The following COL6A3 variants were observed in gnomAD, a reference collection of about 807,000 sequenced individuals.
The protein encoded by COL6A3 is collagen type VI alpha 3 chain, also known as collagen alpha-3(VI) chain.
Under a neutral mutation model 274.1 loss-of-function variants are expected in COL6A3, and 137 were observed. That is an observed-to-expected ratio of 0.50 (90% CI 0.44 to 0.58). The LOEUF (loss-of-function observed/expected upper bound fraction) is 0.58. Ranked by LOEUF, COL6A3 falls within the 20% of genes least tolerant of loss-of-function variation. COL6A3 has a pLI of 0.00. For synonymous variants in COL6A3, 1,650 were observed against 1,650.6 expected (o/e 1.00, Z 0.01); for missense variants, 3,950 against 4,124.9 (o/e 0.96, Z 1.16).
At chr2:237,355,284 T>C (rs2077294387) in intron 23 of COL6A3, 1 of 266,812 alleles carries the variant, frequency 3.7e-6, no homozygotes, top group South Asian at 1.1e-4. Context: ...GAAAAGGGAA[T>C]GTCAACCTGT....
In COL6A3 at chr2:237,366,880, C is replaced by G. The variant is rs755698278; in HGVS notation, c.5307G>C (p.Arg1769Ser). 6.2e-6 allele frequency: 10 copies of G among 1,614,242 alleles called. No individual in the cohort carries two copies. The highest frequency in any genetic ancestry group is 2.7e-5 in the African/African-American group (2 of 75,052). Reference sequence around the variant, plus strand: ...CTCCAACAGCAAACACTTTGACCCCCCTCTGGGTGAGGGCCAGGCTCACAT... The same window carrying G: ...CTCCAACAGCAAACACTTTGACCCCGCTCTGGGTGAGGGCCAGGCTCACAT... ...AQDVSLALTQ[R>S]GVKVFAVGVR... Residue 1769 changes from arginine to serine, a missense_variant, in exon 11 of 44, where the codon AGG (arginine) becomes AGC (serine). By Grantham distance (110) the Arg-to-Ser change is moderately radical. This residue lies in a region of COL6A3 where 632 missense variants were observed against 623.4 expected (regional missense o/e 1.01). Coordinates refer to ENST00000295550, the MANE Select transcript of COL6A3 (RefSeq NM_004369.4).
chr2:237,398,988 A>C (rs952324580), intron 1 of COL6A3, among the ~76,000 whole-genome samples: 2 of 152,142 alleles, frequency 1.3e-5, no homozygotes, highest in African/African-American at 4.8e-5. Flanking sequence ...TTATCCTTAG[A>C]GGTAGATGCT....
intron 38 of COL6A3, among the ~76,000 whole-genome samples, chr2:237,339,874 C>T (rs1465857675): frequency 1.3e-5 from 2 of 152,118 alleles, no homozygotes; most frequent in Non-Finnish European, 2.9e-5. Flanking sequence ...TAACCATGAG[C>T]AGGCCTTGGG....
chr2:237,335,892 C>T (rs1700516099), intron 40 of COL6A3, among the ~76,000 whole-genome samples: 1 of 152,184 alleles, frequency 6.6e-6, no homozygotes, highest in South Asian at 2.1e-4. Context: ...AACTGTGCCC[C>T]CACTGACATT....
chr2:237,398,596 T>A (rs2078510918), intron 1 of COL6A3, among the ~76,000 whole-genome samples: 1 of 152,218 alleles, frequency 6.6e-6, no homozygotes, highest in African/African-American at 2.4e-5. Context: ...AACTTTTTCT[T>A]AGACCACAGA....
intron 3 of COL6A3, among the ~76,000 whole-genome samples, chr2:237,392,395 C>A (rs1574749930): frequency 6.6e-6 from 1 of 152,204 alleles, no homozygotes; most frequent in African/African-American, 2.4e-5. Context: ...TGCAATCTTG[C>A]AATTCTTCTG....
In COL6A3 at chr2:237,374,902, G is replaced by A. The variant is rs773149640; in HGVS notation, c.3189C>T (p.Asp1063=). The change falls in exon 8 of 44, where the codon GAC becomes GAT. Residue 1063 remains aspartate, a synonymous_variant. Coordinates refer to ENST00000295550, the MANE Select transcript of COL6A3 (RefSeq NM_004369.4). This position sits in a 1 kb window ranked among gnomAD's most constrained non-coding sequence, Gnocchi z 4.8. The part of the protein sequence containing the change: ...RVVESLDVGQ[D]RVRVAVVQYS... ...ACTGCACCACGGCCACGCGGACCCG[G>A]TCCTGGCCCACATCCAGGCTTTCCA... The A allele has an allele frequency of 1.7e-5, 28 of 1,613,780 alleles. No homozygotes were observed. The highest frequency in any genetic ancestry group is 2.4e-5 in the Non-Finnish European group (28 of 1,180,006).
chr2:237,351,232 A>C, intron 26 of COL6A3, 40 bp from the exon 27 acceptor site: 1 of 1,600,802 alleles, frequency 6.2e-7, no homozygotes, highest in Non-Finnish European at 8.6e-7. Context: ...GAAGTGGCCA[A>C]CCGTCCAGGC....
At position 237,341,939 on chromosome 2, in the gene COL6A3, C is replaced by T. The variant is rs112386121; in HGVS notation, c.7765+126G>A. 1,390 of 814,198 alleles carry T rather than the reference C, an allele frequency of 1.7e-3. 15 individuals are homozygous for T. In the African/African-American group the frequency reaches 0.021, roughly 12 times the overall value. The allele number at this position is 814,198 out of a possible 1,614,324, so 50.4% of individuals were successfully genotyped here. ...GCAGTAGTATTTACTCTGGTAAATA[C>T]GAGGCTTTGTGAATCAATTGAACTC... On this transcript the variant is annotated intron_variant, in intron 37 of 43. Coordinates refer to ENST00000295550, the MANE Select transcript of COL6A3 (RefSeq NM_004369.4).
chr2:237,324,540 C>T lies in COL6A3; in HGVS notation c.*234G>A, dbSNP rs1699828692. The T allele has an allele frequency of 1.7e-5, 9 of 535,390 alleles. No individual in the cohort carries two copies. Among genetic ancestry groups the T allele is most frequent in the Non-Finnish European group, 2.7e-5 (8 of 295,560 alleles). The allele number at this position is 535,390 out of a possible 1,614,324, so 33.2% of individuals were successfully genotyped here. A position where few individuals can be genotyped will look rare whatever the true frequency, so the allele number is the denominator to read the frequency against. On this transcript the variant is annotated 3_prime_UTR_variant, in exon 44 of 44. Coordinates refer to ENST00000295550, the MANE Select transcript of COL6A3 (RefSeq NM_004369.4). Reference sequence around the variant, plus strand: ...ACACCAGCAGTGGCTAACTGTTACACAACATTCAAAGTATTCGAGAGAACT... The same window carrying T: ...ACACCAGCAGTGGCTAACTGTTACATAACATTCAAAGTATTCGAGAGAACT...
At chr2:237,411,570 T>C (rs1376201340) in intron 1 of COL6A3, among the ~76,000 whole-genome samples, 1 of 152,174 alleles carries the variant, frequency 6.6e-6, no homozygotes, top group Non-Finnish European at 1.5e-5. Context: ...AGCAGCCTCA[T>C]TGGAACCATA....
Position 237,336,469 on chromosome 2 carries a change from C to T in COL6A3, c.8631G>A (p.Val2877=). The change falls in exon 40 of 44, where the codon GTG becomes GTA. Residue 2877 remains valine (V), a synonymous_variant. Coordinates refer to ENST00000295550, the MANE Select transcript of COL6A3 (RefSeq NM_004369.4). ...TGGTGGTCACCGGCTTCGTCGTAGTCACCGGCTTCGTTGTCGTCACTGGGT... is the reference window on the plus strand; with the variant it reads ...TGGTGGTCACCGGCTTCGTCGTAGTTACCGGCTTCGTTGTCGTCACTGGGT... ...TSNPVTTTKP[V]TTTKPVTTTT... is the part of the protein sequence containing the mutation. The T allele has an allele frequency of 6.2e-7, 1 of 1,614,214 alleles. No homozygotes were observed. Among genetic ancestry groups the T allele is most frequent in the South Asian group, 1.1e-5 (1 of 91,076 alleles).
Position 237,376,796 on chromosome 2 carries a change from CTGA to C in COL6A3, c.3043_3045del (p.Ser1015del), listed in dbSNP as rs1439569679. 3.1e-6 allele frequency: 5 copies of C among 1,614,052 alleles called. No individual in the cohort carries two copies. The East Asian group carries it at 1.1e-4, about 36-fold the overall frequency. ...CCTGGTGCTGGTGCTCCGTTGTGCA[CTGA>C]TTTTAAGAGATTCACTATCTGTGGA... is the stretch of plus-strand genomic sequence containing the variant. On this transcript the variant is annotated inframe_deletion, in exon 7 of 44. Transcript: ENST00000295550.
In COL6A3 at chr2:237,353,404, C is replaced by G; in HGVS notation, c.6628-1G>C. The G allele has an allele frequency of 6.2e-7, 1 of 1,613,964 alleles. No homozygotes were observed. The highest frequency in any genetic ancestry group is 8.5e-7 in the Non-Finnish European group (1 of 1,179,932). ...GCTGGCCAGGACCGCCCTTGTTGCC[C>G]TTTGAAATAAGAGAAGATGCAGGGA... is the stretch of plus-strand genomic sequence containing the variant. On this transcript the variant is annotated splice_acceptor_variant, in intron 24 of 43. Coordinates refer to ENST00000295550, the MANE Select transcript of COL6A3 (RefSeq NM_004369.4). LOFTEE classifies it high-confidence loss of function.
chr2:237,396,457 C>T (rs932491948), intron 2 of COL6A3, among the ~76,000 whole-genome samples: 1 of 152,158 alleles, frequency 6.6e-6, no homozygotes, highest in Admixed American at 6.5e-5. Context: ...ACAAACTTTC[C>T]GTTCACATCC....
intron 4 of COL6A3, among the ~76,000 whole-genome samples, chr2:237,386,108 AT>A (rs781025274): frequency 2.0e-5 from 3 of 152,210 alleles, no homozygotes; most frequent in Non-Finnish European, 4.4e-5. Context: ...TGTAATTTTT[AT>A]TACAACAAAA....
Position 237,369,041 on chromosome 2 carries a change from T to C in COL6A3, c.4422A>G (p.Arg1474=). The stretch of plus-strand genomic sequence containing the variant: ...CATTGCTGAACTGCACGACCCCAAC[T>C]CTCACTTTACTGGGGCCGATGTTGA... ...RRLNIGPSKV[R]VGVVQFSNDV... is the part of the protein sequence containing the mutation. Residue 1474 remains arginine, a synonymous_variant, in exon 10 of 44, where the codon AGA becomes AGG. Coordinates refer to ENST00000295550, the MANE Select transcript of COL6A3 (RefSeq NM_004369.4). The C allele has an allele frequency of 1.2e-6, 2 of 1,614,192 alleles. No homozygotes were observed. The highest frequency in any genetic ancestry group is 1.7e-6 in the Non-Finnish European group (2 of 1,180,038).
rs1358346718 is a variant in COL6A3, at chr2:237,342,138, A to G, written c.7692T>C (p.His2564=). The part of the protein sequence containing the change: ...ALQINNTAVG[H]ALVLPAGRDL... ...CTCTCCCTGCAGGCAGGACAAGCGC[A>G]TGCCCCACTGCTGTGTTATTGATCT... is the stretch of plus-strand genomic sequence containing the variant. The change falls in exon 37 of 44, where the codon CAT becomes CAC. Residue 2564 remains histidine (H), a synonymous_variant. Coordinates refer to ENST00000295550, the MANE Select transcript of COL6A3 (RefSeq NM_004369.4). 2.5e-6 allele frequency: 4 copies of G among 1,614,200 alleles called. No homozygotes were observed. Among genetic ancestry groups the G allele is most frequent in the Non-Finnish European group, 3.4e-6 (4 of 1,180,018 alleles).
At position 237,365,714 on chromosome 2, in the gene COL6A3, G is replaced by A. The variant is rs778288464; in HGVS notation, c.5822C>T (p.Ser1941Leu). The A allele has an allele frequency of 1.2e-5, 20 of 1,614,046 alleles. No individual in the cohort carries two copies. Among genetic ancestry groups the A allele is most frequent in the African/African-American group, 9.3e-5 (7 of 74,926 alleles). ...CCCACAGACCTTCACGCTGTCCGGC[G>A]AGGACTGTCTGAACTTGTTCAGGTA... ...KVYLNKFRQS[S>L]PDSVKVVIHF... The change falls in exon 12 of 44, where the codon TCG becomes TTG. Residue 1941 changes from serine (S) to leucine (L), a missense_variant. Ser to Leu is a moderately radical substitution (Grantham distance 145, BLOSUM62 -2). This residue lies in a region of COL6A3 where 632 missense variants were observed against 623.4 expected (regional missense o/e 1.01). Transcript: ENST00000295550.
Sources: allele counts gnomAD v4.1 joint callset (sites outside exome capture counted in the v4.1 genomes callset), GRCh38; gene constraint gnomAD v4.1.1; regional missense constraint gnomAD v4.1.1; non-coding constraint Gnocchi (gnomAD v3.1); transcripts MANE v1.5; gene names NCBI Gene and HGNC (gene_info 2026-07-23, HGNC 2026-07-21).